The following ABCA5 variants were observed in gnomAD, a reference collection of about 807,000 sequenced individuals.
ABCA5 encodes the protein ATP binding cassette subfamily A member 5, also known as cholesterol transporter ABCA5.
ABCA5 carries 163 observed loss-of-function variants against 206.0 expected under a neutral mutation model. The observed-to-expected ratio is 0.79, with a 90% confidence interval of 0.70 to 0.90. The LOEUF (loss-of-function observed/expected upper bound fraction) is 0.90, where lower values mean the gene tolerates loss of function less well. Among genes scored for constraint, ABCA5 ranks in the 40% least tolerant of loss-of-function variants. The probability of loss-of-function intolerance (pLI) is 0.00; values close to 1 mark genes in which losing one functional copy is unlikely to be tolerated. For synonymous variants in ABCA5, 609 were observed against 613.8 expected (o/e 0.99, Z 0.11); for missense variants, 1,859 against 1,912.9 (o/e 0.97, Z 0.53).
At chr17:69,267,868 T>C in intron 23 of ABCA5, 75 bp downstream of exon 23, 2 of 723,600 alleles carry the variant, frequency 2.8e-6, no homozygotes, top group Non-Finnish European at 4.7e-6. Context: ...TACTAAGCCT[T>C]GCAATCAAGC....
chr17:69,325,997 G>A (rs889527492), intron 1 of ABCA5, among the ~76,000 whole-genome samples: 2 of 152,096 alleles, frequency 1.3e-5, no homozygotes, highest in African/African-American at 4.8e-5. Context: ...AGCCCTAACT[G>A]CCCTAATAAT....
intron 18 of ABCA5, among the ~76,000 whole-genome samples, chr17:69,280,361 A>G (rs1288769590): frequency 6.6e-6 from 1 of 152,170 alleles, no homozygotes; most frequent in Non-Finnish European, 1.5e-5. Flanking sequence ...TTAGAATGGC[A>G]ATCATTAAAA....
chr17:69,268,366 T>C (rs773445496), intron 22 of ABCA5, among the ~76,000 whole-genome samples: 2 of 152,080 alleles, frequency 1.3e-5, no homozygotes, highest in Non-Finnish European at 2.9e-5. Flanking sequence ...TTCATAAAAA[T>C]GAATGATGTA....
At chr17:69,308,245 C>T in intron 5 of ABCA5, 35 bp downstream of exon 5, 2 of 1,325,310 alleles carry the variant, frequency 1.5e-6, no homozygotes, top group East Asian at 4.6e-5. Flanking sequence ...TTTAAAATGG[C>T]ATAGTTTTTG....
At chr17:69,313,914 G>A (rs2075792825) in intron 2 of ABCA5, among the ~76,000 whole-genome samples, 1 of 152,052 alleles carries the variant, frequency 6.6e-6, no homozygotes, top group East Asian at 1.9e-4. Flanking sequence ...AGTAATGTAT[G>A]CTGTGGGTAC....
chr17:69,264,783 C>T lies in ABCA5; in HGVS notation c.3267G>A (p.Leu1089=), dbSNP rs566779023. 58 of 1,591,644 alleles carry T rather than the reference C, an allele frequency of 3.6e-5. No homozygotes were observed. The East Asian group carries it at 1.2e-3, about 32-fold the overall frequency. Residue 1089 remains leucine, a synonymous_variant, in exon 24 of 39, where the codon TTG becomes TTA. Coordinates refer to ENST00000392676, the MANE Select transcript of ABCA5 (RefSeq NM_172232.4). ...IILILMLGSL[L]AFHYGLYFYT... is the part of the protein sequence containing the mutation. ...AAAAATATAATCCATAATGAAATGC[C>T]AATAAGCTTCCTAGCATCAAAATAA...
intron 10 of ABCA5, 60 bp downstream of exon 10, chr17:69,297,131 T>C (rs1055553413): frequency 2.7e-6 from 4 of 1,481,712 alleles, no homozygotes; most frequent in Admixed American, 4.1e-5. Context: ...ATTTAAAGAA[T>C]AGGATTTAAA....
At position 69,291,218 on chromosome 17, in the gene ABCA5, T is replaced by C; in HGVS notation, c.1604A>G (p.Asp535Gly). The C allele has an allele frequency of 6.3e-7, 1 of 1,575,656 alleles. No individual in the cohort carries two copies. Among genetic ancestry groups the C allele is most frequent in the Non-Finnish European group, 8.6e-7 (1 of 1,158,988 alleles). The change falls in exon 12 of 39, where the codon GAT becomes GGT. Residue 535 changes from aspartate to glycine, a missense_variant and splice_region_variant. Coordinates refer to ENST00000392676, the MANE Select transcript of ABCA5 (RefSeq NM_172232.4). Reference sequence around the variant, plus strand: ...TTTCTTTAAGACAGAAAACTCACCATCAGAAGGTGGGCAGAGTCCACAAAG... The same window carrying C: ...TTTCTTTAAGACAGAAAACTCACCACCAGAAGGTGGGCAGAGTCCACAAAG... Reference protein sequence around the residue: ...NILCGLCPPSDGFASIYGHRV... With the variant: ...NILCGLCPPSGGFASIYGHRV...
intron 19 of ABCA5, among the ~76,000 whole-genome samples, chr17:69,274,774 T>C (rs2075312056): frequency 6.6e-6 from 1 of 151,430 alleles, no homozygotes; most frequent in African/African-American, 2.4e-5. Context: ...AGACATTATG[T>C]CTCAAATATT....
At chr17:69,275,231 T>A (rs1370658899) in intron 19 of ABCA5, among the ~76,000 whole-genome samples, 2 of 152,236 alleles carry the variant, frequency 1.3e-5, no homozygotes, top group Admixed American at 1.3e-4. Flanking sequence ...CTGATATCTT[T>A]GAAATCTCAT....
rs146950897 is a variant in ABCA5 at position 69,313,209 on chromosome 17, T to C, written c.190A>G (p.Ile64Val). The C allele has an allele frequency of 4.7e-5, 73 of 1,562,088 alleles. No homozygotes were observed. Among genetic ancestry groups the C allele is most frequent in the Non-Finnish European group, 6.1e-5 (69 of 1,134,130 alleles). ...PNKKYEEVPN[I>V]ELNPMDKFTL... is the part of the protein sequence containing the mutation. ...AACTTGTCCATAGGATTGAGTTCTA[T>C]ATTAGGCACTTCTTCATATTTCTTA... The change falls in exon 3 of 39, where the codon ATA becomes GTA. Residue 64 changes from isoleucine (I) to valine (V), a missense_variant. Ile to Val is a conservative substitution (Grantham distance 29). Coordinates refer to ENST00000392676, the MANE Select transcript of ABCA5 (RefSeq NM_172232.4).
intron 3 of ABCA5, among the ~76,000 whole-genome samples, chr17:69,310,863 T>C (rs1313803932): frequency 1.3e-5 from 2 of 152,156 alleles, no homozygotes; most frequent in Non-Finnish European, 2.9e-5. Flanking sequence ...ACTGGGTTGT[T>C]GTGAAGAACA....
chr17:69,254,288 A>G (rs2144896736), intron 32 of ABCA5, 27 bp downstream of exon 32: 1 of 1,562,766 alleles, frequency 6.4e-7, no homozygotes, highest in Non-Finnish European at 8.7e-7. Context: ...CTAAGTAACA[A>G]AAGGAATCTA....
At chr17:69,277,149 T>C (rs1053443492) in intron 19 of ABCA5, among the ~76,000 whole-genome samples, 1 of 152,244 alleles carries the variant, frequency 6.6e-6, no homozygotes, top group Non-Finnish European at 1.5e-5. Context: ...ACTAGCTATG[T>C]AGCCTTCTTT....
chr17:69,324,917 T>G (rs1046857318), intron 1 of ABCA5, among the ~76,000 whole-genome samples: 1 of 152,108 alleles, frequency 6.6e-6, no homozygotes, highest in African/African-American at 2.4e-5. Context: ...TGCTTCTCAA[T>G]CAATGAAATA....
rs749865450 is a variant in ABCA5 at position 69,308,338 on chromosome 17, T to C, written c.500A>G (p.Gln167Arg). The change falls in exon 5 of 39, where the codon CAG (glutamine) becomes CGG (arginine). Residue 167 changes from glutamine to arginine, a missense_variant. Gln to Arg is a conservative substitution (Grantham distance 43). Transcript: ENST00000392676. ...AACTGTGAAACCTGAGGACCAGTAC[T>C]GAGCAGCCTCACATGATTTTGAACA... ...AGCSKSCEAA[Q>R]YWSSGFTVLQ... The C allele has an allele frequency of 2.5e-6, 4 of 1,612,282 alleles. No individual in the cohort carries two copies. Among genetic ancestry groups the C allele is most frequent in the Non-Finnish European group, 3.4e-6 (4 of 1,178,730 alleles).
intron 1 of ABCA5, among the ~76,000 whole-genome samples, chr17:69,325,445 C>T (rs2075891280): frequency 6.6e-6 from 1 of 152,108 alleles, no homozygotes; most frequent in Non-Finnish European, 1.5e-5. Flanking sequence ...CATAATAGGT[C>T]CTTAAAAGCT....
intron 20 of ABCA5, among the ~76,000 whole-genome samples, chr17:69,272,754 TATCC>T (rs2075286820): frequency 6.6e-6 from 1 of 152,216 alleles, no homozygotes; most frequent in African/African-American, 2.4e-5. Flanking sequence ...CTCACTCATT[TATCC>T]ATCAATAAAT....
chr17:69,323,020 T>C (rs2075876362), intron 1 of ABCA5, among the ~76,000 whole-genome samples: 1 of 152,160 alleles, frequency 6.6e-6, no homozygotes, highest in Non-Finnish European at 1.5e-5. Context: ...TTACTTCTCA[T>C]CCACCTAAGC....
Sources: gnomAD v4.1 joint callset for allele counts (sites outside exome capture counted in the v4.1 genomes callset) on GRCh38, gnomAD v4.1.1 for gene constraint, MANE v1.5 for transcripts, NCBI Gene and HGNC (gene_info 2026-07-23, HGNC 2026-07-21) for gene names.